The following CFAP299 variants were observed in gnomAD, a reference collection of about 807,000 sequenced individuals.
CFAP299 encodes the protein cilia- and flagella-associated protein 299.
Under a neutral mutation model 27.0 loss-of-function variants are expected in CFAP299, and 21 were observed. The observed-to-expected ratio is 0.78, with a 90% CI of 0.55 to 1.12. CFAP299 has a LOEUF of 1.12. CFAP299 is among the 50% of genes most tolerant of loss of function. The pLI, the probability that CFAP299 is intolerant of heterozygous loss-of-function variation, is 0.00. For synonymous variants in CFAP299, 104 were observed against 98.1 expected (o/e 1.06, Z -0.36); for missense variants, 310 against 276.6 (o/e 1.12, Z -0.86).
At chr4:80,821,767 A>G (rs1729720245) in intron 3 of CFAP299, among the ~76,000 whole-genome samples, 1 of 152,154 alleles carries the variant, frequency 6.6e-6, no homozygotes, top group African/African-American at 2.4e-5. Context: ...GCACACGAAT[A>G]ATAAACAGAG....
At chr4:80,641,470 T>C (rs569312109) in intron 3 of CFAP299, among the ~76,000 whole-genome samples, 1 of 152,334 alleles carries the variant, frequency 6.6e-6, no homozygotes, top group South Asian at 2.1e-4. Context: ...CCCAAAGTGC[T>C]GGGATTACAG....
intron 3 of CFAP299, among the ~76,000 whole-genome samples, chr4:80,822,711 G>A (rs149534032): frequency 1.4e-3 from 218 of 152,218 alleles, no homozygotes; most frequent in East Asian, 3.3e-3. Flanking sequence ...CAAGGACCCC[G>A]TAAGAGGAAG....
rs551940104 is a variant in CFAP299 at position 80,849,002 on chromosome 4, T to C, written c.334-20991T>C. ...AAATTTATAGAACAACATTTTTCTT[T>C]CTTCTATAATAAATTCACCTTAACT... On this transcript the variant is annotated intron_variant, in intron 3 of 5. Coordinates refer to ENST00000358105, the MANE Select transcript of CFAP299 (RefSeq NM_152770.3). Among the ~76,000 whole-genome samples the C allele has an allele frequency of 1.6e-4, 25 of 152,272 alleles. No individual in the cohort carries two copies. The South Asian group carries it at 5.2e-3, about 32-fold the overall frequency.
chr4:80,431,545 C>T (rs996499032), intron 2 of CFAP299, among the ~76,000 whole-genome samples: 1 of 151,704 alleles, frequency 6.6e-6, no homozygotes, highest in Admixed American at 6.6e-5. Flanking sequence ...TCTTCTTTCC[C>T]TTCCCCTTCT....
intron 2 of CFAP299, among the ~76,000 whole-genome samples, chr4:80,473,256 A>C (rs1472427393): frequency 6.6e-6 from 1 of 152,190 alleles, no homozygotes; most frequent in Admixed American, 6.5e-5. Flanking sequence ...GCGATCAGCC[A>C]GGCGAGGATC....
At chr4:80,458,521 C>T (rs962491540) in intron 2 of CFAP299, among the ~76,000 whole-genome samples, 4 of 152,036 alleles carry the variant, frequency 2.6e-5, no homozygotes, top group African/African-American at 9.7e-5. Context: ...AGGCTGTATT[C>T]TTTGTGTATT....
Position 80,494,465 on chromosome 4 carries a change from A to G in CFAP299, c.243-88628A>G, listed in dbSNP as rs189787704. Among the ~76,000 whole-genome samples, 137 of 152,336 alleles carry G rather than the reference A, an allele frequency of 9.0e-4. 1 individual carries two copies. Among genetic ancestry groups the G allele is most frequent in the African/African-American group, 3.1e-3 (129 of 41,584 alleles). ...AAACCTTTTCTTGGCTTCCTGTTAT[A>G]TGTAAATATCTAAAGTCTTTGCACC... On this transcript the variant is annotated intron_variant, in intron 2 of 5. Coordinates refer to ENST00000358105, the MANE Select transcript of CFAP299 (RefSeq NM_152770.3).
chr4:80,335,957 T>G, intron 1 of CFAP299, 78 bp downstream of exon 1: 4 of 927,584 alleles, frequency 4.3e-6, no homozygotes, highest in South Asian at 1.3e-5. Flanking sequence ...CGTGGGCTGG[T>G]CGCCCCCTGG....
chr4:80,716,269 A>G (rs1432460426), intron 3 of CFAP299, among the ~76,000 whole-genome samples: 1 of 151,988 alleles, frequency 6.6e-6, no homozygotes, highest in Non-Finnish European at 1.5e-5. Flanking sequence ...CATGAGAGAA[A>G]CAAGGCACGT....
At chr4:80,883,135 T>C (rs1185793415) in intron 4 of CFAP299, among the ~76,000 whole-genome samples, 1 of 152,138 alleles carries the variant, frequency 6.6e-6, no homozygotes, top group Non-Finnish European at 1.5e-5. Flanking sequence ...ACATTTTGAC[T>C]CTAATAACAT....
At chr4:80,386,810 T>G (rs1725034778) in intron 2 of CFAP299, 4 of 1,026,844 alleles carry the variant, frequency 3.9e-6, no homozygotes, top group Non-Finnish European at 6.2e-6. Flanking sequence ...TAAAGGGCAT[T>G]TATATTTCTT....
intron 3 of CFAP299, among the ~76,000 whole-genome samples, chr4:80,768,503 A>G (rs1726026991): frequency 6.6e-6 from 1 of 152,220 alleles, no homozygotes; most frequent in East Asian, 1.9e-4. Flanking sequence ...AAGTTTATAC[A>G]CAGTAGAGTC....
In CFAP299 at chr4:80,868,296, T is replaced by C. The variant is rs1295086670; in HGVS notation, c.334-1697T>C. Among the ~76,000 whole-genome samples, 5 of 152,348 alleles carry C rather than the reference T, an allele frequency of 3.3e-5. No individual in the cohort carries two copies. The East Asian group carries it at 7.7e-4, about 23-fold the overall frequency. ...TAGAATCACTTCCTTTTGCCTGAAA[T>C]ATATCCTGCAGAATTTCTTTGAGCA... On this transcript the variant is annotated intron_variant, in intron 3 of 5. Transcript: ENST00000358105.
intron 3 of CFAP299, among the ~76,000 whole-genome samples, chr4:80,624,881 C>T (rs1738803340): frequency 6.6e-6 from 1 of 152,064 alleles, no homozygotes; most frequent in South Asian, 2.1e-4. Context: ...GAATACTGTG[C>T]TCAGCAAAAC....
intron 3 of CFAP299, among the ~76,000 whole-genome samples, chr4:80,653,047 T>A (rs1323687897): frequency 6.6e-6 from 1 of 152,206 alleles, no homozygotes; most frequent in East Asian, 1.9e-4. Context: ...CAATGTACCC[T>A]GCTTTTGTTG....
chr4:80,532,224 C>T (rs1291362798), intron 2 of CFAP299, among the ~76,000 whole-genome samples: 3 of 152,006 alleles, frequency 2.0e-5, no homozygotes, highest in Non-Finnish European at 4.4e-5. Context: ...GATTTTGGCT[C>T]TTTTGGAAAT....
At chr4:80,634,647 G>A (rs1315378414) in intron 3 of CFAP299, among the ~76,000 whole-genome samples, 2 of 152,102 alleles carry the variant, frequency 1.3e-5, no homozygotes, top group Non-Finnish European at 1.5e-5. Flanking sequence ...AGCATATGGG[G>A]GAATAGATAT....
At chr4:80,695,242 A>C (rs1721012890) in intron 3 of CFAP299, among the ~76,000 whole-genome samples, 1 of 152,208 alleles carries the variant, frequency 6.6e-6, no homozygotes, top group Non-Finnish European at 1.5e-5. Flanking sequence ...ATACTTCTAG[A>C]TATACTAGAA....
rs375036483 is a variant in CFAP299, at chr4:80,905,765, G to A, written c.476+35630G>A. Among the ~76,000 whole-genome samples the A allele has an allele frequency of 1.4e-4, 22 of 152,222 alleles. No homozygotes were observed. The South Asian group carries it at 1.9e-3, about 13-fold the overall frequency. The stretch of plus-strand genomic sequence containing the variant: ...AAATCATCAGATCTCGTGAGAACTC[G>A]TTATCACAAGAACAGCATGGGGATA... On this transcript the variant is annotated intron_variant, in intron 4 of 5. Coordinates refer to ENST00000358105, the MANE Select transcript of CFAP299 (RefSeq NM_152770.3).
Sources: allele counts gnomAD v4.1 joint callset (sites outside exome capture counted in the v4.1 genomes callset), GRCh38; gene constraint gnomAD v4.1.1; transcripts MANE v1.5; gene names NCBI Gene and HGNC (gene_info 2026-07-23, HGNC 2026-07-21).